Variants in PRDM16 observed in about 807,000 individuals in gnomAD.
PRDM16 encodes PR/SET domain 16, also known as histone-lysine N-methyltransferase PRDM16.
PRDM16 carries 23 observed loss-of-function variants against 110.6 expected under a neutral mutation model. That is an observed-to-expected ratio of 0.21 (90% CI 0.15 to 0.29). The LOEUF (loss-of-function observed/expected upper bound fraction) is 0.29. PRDM16 is among the 10% of genes least tolerant of loss of function. PRDM16 has a pLI of 1.00. For missense variants in PRDM16, 1,615 were observed against 1,794.3 expected (o/e 0.90, Z 1.81); for synonymous variants, 799 against 781.8 (o/e 1.02, Z -0.37).
chr1:3,300,584 C>T (rs1641186891), intron 3 of PRDM16, among the ~76,000 whole-genome samples: 1 of 152,234 alleles, frequency 6.6e-6, no homozygotes, highest in Non-Finnish European at 1.5e-5. Context: ...TCCAGCAATT[C>T]TTCGTTCCCT....
chr1:3,173,302 C>G (rs1297013838), intron 1 of PRDM16, among the ~76,000 whole-genome samples: 1 of 152,242 alleles, frequency 6.6e-6, no homozygotes, highest in Non-Finnish European at 1.5e-5. Context: ...CGGAACAAGG[C>G]TTTATAAAAA....
chr1:3,332,697 C>T (rs1276747394), intron 3 of PRDM16, among the ~76,000 whole-genome samples: 5 of 152,106 alleles, frequency 3.3e-5, no homozygotes, highest in Non-Finnish European at 7.4e-5. Flanking sequence ...TTCACCACCC[C>T]AGGAGAAACT....
At chr1:3,158,177 T>TA (rs1643872549) in intron 1 of PRDM16, among the ~76,000 whole-genome samples, 1 of 152,164 alleles carries the variant, frequency 6.6e-6, no homozygotes, top group Non-Finnish European at 1.5e-5. Flanking sequence ...ACCATCCCCG[T>TA]AACGGGATAG....
At chr1:3,320,835 C>T (rs1170406445) in intron 3 of PRDM16, among the ~76,000 whole-genome samples, 2 of 152,206 alleles carry the variant, frequency 1.3e-5, no homozygotes, top group Non-Finnish European at 2.9e-5. Context: ...TCAGCTGGGG[C>T]TCCAGCCAAG....
At chr1:3,378,280 C>T (rs958954306) in intron 3 of PRDM16, among the ~76,000 whole-genome samples, 4 of 152,098 alleles carry the variant, frequency 2.6e-5, no homozygotes, top group African/African-American at 4.8e-5. Flanking sequence ...CTTGGGCAGC[C>T]GGAGGGCCAC....
chr1:3,281,003 G>T (rs1209759282), intron 3 of PRDM16, among the ~76,000 whole-genome samples: 1 of 152,236 alleles, frequency 6.6e-6, no homozygotes, highest in Non-Finnish European at 1.5e-5. Context: ...CTGGGCTGAG[G>T]ACAGCACTGC....
intron 1 of PRDM16, among the ~76,000 whole-genome samples, chr1:3,140,013 C>T (rs887401682): frequency 2.0e-5 from 3 of 152,270 alleles, no homozygotes; most frequent in South Asian, 4.1e-4. Flanking sequence ...GCCCCGGCGA[C>T]GCATCTCCCT....
chr1:3,112,840 G>A (rs527810508), intron 1 of PRDM16, among the ~76,000 whole-genome samples: 24 of 152,266 alleles, frequency 1.6e-4, no homozygotes, highest in Non-Finnish European at 3.5e-4. Context: ...GGGCAGCCCC[G>A]AGGGCCCGCC....
intron 3 of PRDM16, among the ~76,000 whole-genome samples, chr1:3,341,088 C>A (rs1261730104): frequency 6.6e-6 from 1 of 150,770 alleles, no homozygotes; most frequent in Non-Finnish European, 1.5e-5. Flanking sequence ...TTCTCCCCCT[C>A]TGAGCCCTCG....
rs945163627 is a variant in PRDM16 at position 3,186,351 on chromosome 1, G to C, written c.264G>C (p.Glu88Asp). Residue 88 changes from glutamate (E) to aspartate (D), a missense_variant, in exon 2 of 17, where the codon GAG (glutamate) becomes GAC (aspartate). By Grantham distance (45) the Glu-to-Asp change is conservative (BLOSUM62 2). Coordinates refer to ENST00000270722, the MANE Select transcript of PRDM16 (RefSeq NM_022114.4). Reference sequence around the variant, plus strand: ...TCCCAGCAGACTTCGAGCTCCGAGAGTCCTCCATCCCAGGGGCTGGCCTGG... The same window carrying C: ...TCCCAGCAGACTTCGAGCTCCGAGACTCCTCCATCCCAGGGGCTGGCCTGG... ...IPIPADFELRESSIPGAGLGV... is the reference protein window; with the variant it reads ...IPIPADFELRDSSIPGAGLGV... 6.2e-7 allele frequency: 1 copy of C among 1,612,276 alleles called. No individual in the cohort carries two copies. The highest frequency in any genetic ancestry group is 8.5e-7 in the Non-Finnish European group (1 of 1,179,804).
At chr1:3,203,436 AG>A (rs947072813) in intron 2 of PRDM16, among the ~76,000 whole-genome samples, 30 of 152,380 alleles carry the variant, frequency 2.0e-4, no homozygotes, top group African/African-American at 7.2e-4. Flanking sequence ...AGCCCGTATT[AG>A]GGCCGTAGGG....
intron 3 of PRDM16, among the ~76,000 whole-genome samples, chr1:3,314,301 C>A (rs748194133): frequency 7.2e-5 from 11 of 152,124 alleles, no homozygotes; most frequent in Non-Finnish European, 1.3e-4. Context: ...TCCTCTCAAC[C>A]CTGGTGTGCC....
chr1:3,385,198 A>ACGCATCCACGGG lies in PRDM16; in HGVS notation c.485_486insCGCATCCACGGG (p.Gln162delinsHisAlaSerThrGly). On this transcript the variant is annotated protein_altering_variant, in exon 4 of 17. Transcript: ENST00000270722. The stretch of plus-strand genomic sequence containing the variant: ...GAGAAGTTCTGCGTGGATGCAAATC[A>ACGCATCCACGGG]GGCGGGGGCTGGCAGCTGGCTCAAG... The ACGCATCCACGGG allele has an allele frequency of 6.2e-7, 1 of 1,613,742 alleles. No homozygotes were observed. The highest frequency in any genetic ancestry group is 8.5e-7 in the Non-Finnish European group (1 of 1,180,022).
intron 1 of PRDM16, among the ~76,000 whole-genome samples, chr1:3,159,066 G>T (rs1364287121): frequency 1.3e-5 from 2 of 152,216 alleles, no homozygotes; most frequent in African/African-American, 4.8e-5. Context: ...CACCATGCCA[G>T]GCCAAGATTT....
At chr1:3,235,276 C>T (rs1381799663) in intron 2 of PRDM16, among the ~76,000 whole-genome samples, 2 of 152,236 alleles carry the variant, frequency 1.3e-5, no homozygotes, top group African/African-American at 2.4e-5. Context: ...CCAGGGCGTG[C>T]GTGTCCAGTT....
chr1:3,434,884 C>A lies in PRDM16; in HGVS notation c.*1073C>A, dbSNP rs1638865496. On this transcript the variant is annotated 3_prime_UTR_variant, in exon 17 of 17. Coordinates refer to ENST00000270722, the MANE Select transcript of PRDM16 (RefSeq NM_022114.4). ...CCTGGGTCTCCCACCTCCCACCTGA[C>A]CCCAGCGGCTCCGGTGTCCTCCACG... The A allele has an allele frequency of 4.3e-6, 1 of 231,830 alleles. No homozygotes were observed. Among genetic ancestry groups the A allele is most frequent in the Admixed American group, 5.6e-5 (1 of 17,722 alleles). The allele number at this position is 231,830 out of a possible 1,614,324, so 14.4% of individuals were successfully genotyped here.
chr1:3,354,174 G>A (rs1010184037), intron 3 of PRDM16, among the ~76,000 whole-genome samples: 1 of 152,196 alleles, frequency 6.6e-6, no homozygotes, highest in African/African-American at 2.4e-5. Context: ...AAGAACCATT[G>A]CTAGGCCGGG....
chr1:3,140,103 G>A (rs751521798), intron 1 of PRDM16, among the ~76,000 whole-genome samples: 1 of 152,250 alleles, frequency 6.6e-6, no homozygotes, highest in Non-Finnish European at 1.5e-5. Context: ...TTAGAAAAGC[G>A]GCTTTGGGAA....
Position 3,069,253 on chromosome 1 carries a change from C to T in PRDM16, c.-7C>T. On this transcript the variant is annotated 5_prime_UTR_variant, in exon 1 of 17. Transcript: ENST00000270722. This position sits in a 1 kb window ranked among gnomAD's most constrained non-coding sequence, Gnocchi z 6.1. ...GGAGGAGGAGAGAGATTCCGCGAGC[C>T]GACACCATGCGATCCAAGGCGAGGG... 6.4e-7 allele frequency: 1 copy of T among 1,574,690 alleles called. No homozygotes were observed.
Sources: gnomAD v4.1 joint callset for allele counts (sites outside exome capture counted in the v4.1 genomes callset) on GRCh38, gnomAD v4.1.1 for gene constraint, Gnocchi (gnomAD v3.1) non-coding constraint, MANE v1.5 for transcripts, NCBI Gene and HGNC (gene_info 2026-07-23, HGNC 2026-07-21) for gene names.